APOLD1: variants seen among roughly 807,000 people sequenced by gnomAD.
APOLD1 encodes apolipoprotein L domain containing 1.
A neutral mutation model predicts 15.3 loss-of-function variants in APOLD1; 22 were observed. The observed-to-expected ratio is 1.44, with a 90% CI of 1.03 to 2.05. The LOEUF (loss-of-function observed/expected upper bound fraction) is 2.05, where lower values mean the gene tolerates loss of function less well. APOLD1 is among the 30% of genes most tolerant of loss of function. The probability of loss-of-function intolerance (pLI) is 0.00; values close to 1 mark genes in which losing one functional copy is unlikely to be tolerated. For synonymous variants in APOLD1, 190 were observed against 167.4 expected (o/e 1.13, Z -1.04); for missense variants, 394 against 353.5 (o/e 1.11, Z -0.92).
chr12:12,726,007 C>T, exon 1 of APOLD1: 1 of 1,515,010 alleles, frequency 6.6e-7, no homozygotes. Context: ...ACGGATGTTC[C>T]GCGCGCCGTG....
At chr12:12,785,443 T>C (rs936354865), upstream of APOLD1, among the ~76,000 whole-genome samples, 1 of 152,204 alleles carries the variant, frequency 6.6e-6, no homozygotes, top group Admixed American at 6.5e-5. Flanking sequence ...TGTGGTTCTC[T>C]TCCTGCGTTC....
chr12:12,787,165 T>C lies in APOLD1; in HGVS notation c.260T>C (p.Val87Ala). 6.6e-7 allele frequency: 1 copy of C among 1,523,026 alleles called. No homozygotes were observed. Among genetic ancestry groups the C allele is most frequent in the South Asian group, 1.3e-5 (1 of 78,842 alleles). The allele number at this position is 1,523,026 out of a possible 1,614,324, so 94.3% of individuals were successfully genotyped here. ...SPVTLGTSLL[V>A]SAVGLGVATA... The stretch of plus-strand genomic sequence containing the variant: ...GTCACCCTGGGGACCTCGCTGCTGG[T>C]GTCGGCCGTGGGGCTGGGGGTGGCC... Residue 87 changes from valine (V) to alanine (A), a missense_variant, in exon 2 of 2, where the codon GTG becomes GCG. Val to Ala is a moderately conservative substitution (Grantham distance 64). Coordinates refer to ENST00000356591, the MANE Select transcript of APOLD1 (RefSeq NM_030817.3). This position sits in a 1 kb window ranked among gnomAD's most constrained non-coding sequence, Gnocchi z 4.9.
chr12:12,781,880 T>A (rs1021403495), upstream of APOLD1, among the ~76,000 whole-genome samples: 22 of 152,198 alleles, frequency 1.4e-4, no homozygotes, highest in African/African-American at 4.8e-4. Flanking sequence ...GCAAATGGGT[T>A]GTTGATAACT....
chr12:12,777,470 C>T (rs999686365), intron 1 of APOLD1, among the ~76,000 whole-genome samples: 3 of 152,160 alleles, frequency 2.0e-5, no homozygotes, highest in South Asian at 2.1e-4. Context: ...AGCAATAATT[C>T]GCTTATATTA....
At chr12:12,754,188 G>C (rs1388729490) in intron 1 of APOLD1, among the ~76,000 whole-genome samples, 5 of 26,474 alleles carry the variant, frequency 1.9e-4, no homozygotes, top group Non-Finnish European at 4.1e-4. Flanking sequence ...GGGCGACAGA[G>C]TGAGACTCTG....
At chr12:12,757,520 T>C (rs1258973858) in intron 1 of APOLD1, among the ~76,000 whole-genome samples, 1 of 152,198 alleles carries the variant, frequency 6.6e-6, no homozygotes, top group Non-Finnish European at 1.5e-5. Context: ...AACTATGAGA[T>C]AAATTATTGT....
rs893042635 is a variant in APOLD1 at position 12,761,392 on chromosome 12, C to T, written c.97-25517C>T. 2.6e-5 allele frequency among the ~76,000 whole-genome samples: 4 copies of T among 152,214 alleles called. No homozygotes were observed. The South Asian group carries it at 6.2e-4, about 24-fold the overall frequency. On this transcript the variant is annotated intron_variant, in intron 1 of 1. Transcript: ENST00000326765. ...ACTAAAGCCTTACTTTTTTATTTATCATGGCTATAGCTTGTTTGTTGTTCA... is the reference window on the plus strand; with the variant it reads ...ACTAAAGCCTTACTTTTTTATTTATTATGGCTATAGCTTGTTTGTTGTTCA...
chr12:12,786,641 G>A, intron 1 of APOLD1: 2 of 985,110 alleles, frequency 2.0e-6, no homozygotes, highest in South Asian at 4.7e-5. Context: ...CATCGTTAAC[G>A]TTCCCTGGGA....
chr12:12,777,356 C>T (rs775937518), intron 1 of APOLD1, among the ~76,000 whole-genome samples: 26 of 152,198 alleles, frequency 1.7e-4, no homozygotes, highest in Non-Finnish European at 3.7e-4. Flanking sequence ...TTTCATCACA[C>T]AGGCTGTTCC....
At chr12:12,783,685 T>C (rs1947103287), upstream of APOLD1, among the ~76,000 whole-genome samples, 1 of 147,488 alleles carries the variant, frequency 6.8e-6, no homozygotes, top group Non-Finnish European at 1.5e-5. Context: ...CCAGGCTGTG[T>C]TGCAGTGGTA....
chr12:12,726,176 AAAAAG>A, intron 1 of APOLD1: 3 of 941,360 alleles, frequency 3.2e-6, no homozygotes, highest in East Asian at 3.1e-5. Context: ...AAAAAAAAAA[AAAAAG>A]AGGAAATAGA....
At chr12:12,767,672 A>AAAAAC in intron 1 of APOLD1, among the ~76,000 whole-genome samples, 1 of 152,330 alleles carries the variant, frequency 6.6e-6, no homozygotes, top group East Asian at 1.9e-4. Flanking sequence ...AAACAAAAAC[A>AAAAAC]AAAACAAAAC....
At chr12:12,757,669 T>C (rs1228296941) in intron 1 of APOLD1, among the ~76,000 whole-genome samples, 1 of 148,840 alleles carries the variant, frequency 6.7e-6, no homozygotes, top group Non-Finnish European at 1.5e-5. Flanking sequence ...GCCTTTTTTT[T>C]CTTTAAAAAA....
At chr12:12,768,951 G>A (rs1343216517) in intron 1 of APOLD1, among the ~76,000 whole-genome samples, 6 of 151,266 alleles carry the variant, frequency 4.0e-5, no homozygotes, top group Non-Finnish European at 8.8e-5. Context: ...CTCCTGGCTG[G>A]GCACCGTAGC....
rs1257948998 is a variant in APOLD1, at chr12:12,788,913, C to G, written c.*1261C>G. ...ATGAGAGAGAGAGAGAGAGAGCACG[C>G]GTACGTGCACCCTGGGGCAGTGTCT... is the stretch of plus-strand genomic sequence containing the variant. On this transcript the variant is annotated 3_prime_UTR_variant, in exon 2 of 2. Transcript: ENST00000356591. 1 of 151,794 alleles carries G rather than the reference C, an allele frequency of 6.6e-6. No individual in the cohort carries two copies. The allele number at this position is 151,794 out of a possible 1,614,324, so 9.4% of individuals were successfully genotyped here.
chr12:12,738,891 A>G lies in APOLD1; in HGVS notation c.96+12795A>G, dbSNP rs199696335. ...CAGGAACTATAGGCGATGCCACACCAACTCTGTGCCACTTATCTCCAGAAT... is the reference window on the plus strand; with the variant it reads ...CAGGAACTATAGGCGATGCCACACCGACTCTGTGCCACTTATCTCCAGAAT... On this transcript the variant is annotated intron_variant, in intron 1 of 1. Transcript: ENST00000326765. Among the ~76,000 whole-genome samples, 10 of 152,338 alleles carry G rather than the reference A, an allele frequency of 6.6e-5. No homozygotes were observed. In the East Asian group the frequency reaches 1.7e-3, roughly 26 times the overall value.
intron 1 of APOLD1, among the ~76,000 whole-genome samples, chr12:12,733,896 GC>G (rs1416527579): frequency 6.6e-6 from 1 of 152,166 alleles, no homozygotes; most frequent in African/African-American, 2.4e-5. Flanking sequence ...GAGCCACCGC[GC>G]CCAGCCGGTA....
intron 1 of APOLD1, among the ~76,000 whole-genome samples, chr12:12,750,775 T>C (rs1946807293): frequency 6.6e-6 from 1 of 151,632 alleles, no homozygotes; most frequent in South Asian, 2.1e-4. Flanking sequence ...CACTGAACCT[T>C]TTTTTTTTGT....
chr12:12,744,304 G>A (rs1946749654), intron 1 of APOLD1, among the ~76,000 whole-genome samples: 1 of 115,884 alleles, frequency 8.6e-6, no homozygotes, highest in East Asian at 2.9e-4. Context: ...GCCAGACCCT[G>A]CTTAAAAAAA....
Sources: gnomAD v4.1 joint callset for allele counts (sites outside exome capture counted in the v4.1 genomes callset) on GRCh38, gnomAD v4.1.1 for gene constraint, Gnocchi (gnomAD v3.1) non-coding constraint, MANE v1.5 for transcripts, NCBI Gene and HGNC (gene_info 2026-07-23, HGNC 2026-07-21) for gene names.